The following TTC28 variants were observed in gnomAD, a reference collection of about 807,000 sequenced individuals.
The protein encoded by TTC28 is tetratricopeptide repeat domain 28, also known as tetratricopeptide repeat protein 28.
TTC28 carries 61 observed loss-of-function variants against 198.0 expected under a neutral mutation model. That is an observed-to-expected ratio of 0.31 (90% confidence interval 0.25 to 0.38). The LOEUF is 0.38. Ranked by LOEUF, TTC28 falls within the 10% of genes least tolerant of loss-of-function variation. TTC28 has a pLI of 1.00. For missense variants in TTC28, 2,678 were observed against 3,164.0 expected, an observed-to-expected ratio of 0.85 and a Z score of 3.69; for synonymous variants, 1,171 against 1,297.8, an observed-to-expected ratio of 0.90 and a Z score of 2.10.
chr22:28,379,763 T>C (rs2046467423), intron 2 of TTC28, among the ~76,000 whole-genome samples: 1 of 152,180 alleles, frequency 6.6e-6, no homozygotes, highest in African/African-American at 2.4e-5. Flanking sequence ...CAATGGTAAA[T>C]TTTATGTTAT....
At chr22:28,475,840 A>G (rs2048157091) in intron 2 of TTC28, among the ~76,000 whole-genome samples, 1 of 152,226 alleles carries the variant, frequency 6.6e-6, no homozygotes, top group African/African-American at 2.4e-5. Flanking sequence ...CATAGTGTAC[A>G]GGATGGGTTG....
intron 5 of TTC28, among the ~76,000 whole-genome samples, chr22:28,182,958 T>C (rs1923846525): frequency 6.6e-6 from 1 of 152,110 alleles, no homozygotes; most frequent in Non-Finnish European, 1.5e-5. Context: ...GATCTACTTT[T>C]CTCCTCAAGC....
intron 2 of TTC28, among the ~76,000 whole-genome samples, chr22:28,345,730 G>A (rs2045893823): frequency 6.6e-6 from 1 of 152,116 alleles, no homozygotes. Flanking sequence ...ACCCAGGAAG[G>A]CATATTATAT....
At chr22:27,992,457 C>T (rs541672338) in intron 19 of TTC28, 130 bp downstream of exon 19, 1 of 963,716 alleles carries the variant, frequency 1.0e-6, no homozygotes, top group Admixed American at 2.7e-5. Flanking sequence ...CGGCCCTCAC[C>T]TTCTCCTTTG....
intron 5 of TTC28, among the ~76,000 whole-genome samples, chr22:28,287,860 A>G (rs2145755005): frequency 6.6e-6 from 1 of 152,324 alleles, no homozygotes; most frequent in South Asian, 2.1e-4. Flanking sequence ...AACTAGAATC[A>G]GGGCAGGGTT....
At chr22:28,611,737 C>T (rs2050823543) in intron 2 of TTC28, among the ~76,000 whole-genome samples, 1 of 146,092 alleles carries the variant, frequency 6.8e-6, no homozygotes, top group Non-Finnish European at 1.5e-5. Flanking sequence ...CAATTCCCAC[C>T]TATGAGTGAG....
chr22:28,508,025 T>C (rs904052159), intron 2 of TTC28, among the ~76,000 whole-genome samples: 1 of 152,142 alleles, frequency 6.6e-6, no homozygotes, highest in African/African-American at 2.4e-5. Context: ...CCAGCTAGCA[T>C]CATGATGCCA....
chr22:28,650,423 A>C (rs1305056346), intron 1 of TTC28, among the ~76,000 whole-genome samples: 1 of 152,210 alleles, frequency 6.6e-6, no homozygotes, highest in Non-Finnish European at 1.5e-5. Flanking sequence ...TGCATTCCAG[A>C]CCACCCAGTT....
intron 2 of TTC28, among the ~76,000 whole-genome samples, chr22:28,593,441 G>GTAGGTAGA (rs1002455119): frequency 4.1e-4 from 62 of 151,742 alleles, no homozygotes; most frequent in Non-Finnish European, 4.7e-4. Flanking sequence ...AGACAGACAG[G>GTAGGTAGA]TAGGTAGATA....
intron 2 of TTC28, among the ~76,000 whole-genome samples, chr22:28,503,025 G>T (rs1387956954): frequency 6.6e-6 from 1 of 152,008 alleles, no homozygotes; most frequent in African/African-American, 2.4e-5. Flanking sequence ...TAAACAATTT[G>T]TTGATTTTTT....
chr22:28,482,643 GCTGTGCAACAACCACCT>G (rs957432033), intron 2 of TTC28, among the ~76,000 whole-genome samples: 14 of 152,124 alleles, frequency 9.2e-5, no homozygotes, highest in African/African-American at 3.1e-4. Context: ...ACTGTGCAAT[GCTGTGCAACAACCACCT>G]CTATCTAGTT....
intron 1 of TTC28, among the ~76,000 whole-genome samples, chr22:28,678,101 C>T (rs1237676703): frequency 6.6e-6 from 1 of 152,074 alleles, no homozygotes; most frequent in African/African-American, 2.4e-5. Flanking sequence ...GGAATGAAAT[C>T]CTAAAAGCCT....
intron 6 of TTC28, 78 bp downstream of exon 6, chr22:28,163,014 A>G (rs1921407725): frequency 1.4e-6 from 2 of 1,423,776 alleles, no homozygotes; most frequent in Non-Finnish European, 9.3e-7. Flanking sequence ...ACAGATTCCT[A>G]TAAAAGATAG....
intron 5 of TTC28, among the ~76,000 whole-genome samples, chr22:28,169,409 T>C (rs1429853452): frequency 1.3e-5 from 2 of 152,146 alleles, no homozygotes; most frequent in Non-Finnish European, 2.9e-5. Context: ...TAGCAAAGAC[T>C]TGGAACCAAC....
At chr22:28,335,336 G>A (rs1056624892) in intron 2 of TTC28, among the ~76,000 whole-genome samples, 6 of 152,218 alleles carry the variant, frequency 3.9e-5, no homozygotes, top group East Asian at 3.9e-4. Flanking sequence ...TTGGCAATGC[G>A]GGCTCTTTTT....
Position 28,628,564 on chromosome 22 carries a change from CTGCAACTTTATATCCT to C in TTC28, c.381+972_381+987del, listed in dbSNP as rs1181788788. Among the ~76,000 whole-genome samples the C allele has an allele frequency of 1.1e-4, 17 of 152,290 alleles. No individual in the cohort carries two copies. In the East Asian group the frequency reaches 2.9e-3, roughly 26 times the overall value. ...CTCTAGAATTATTCATCCTATATAT[CTGCAACTTTATATCCT>C]TGGATCTACATTCTCCCATTTCGCC... On this transcript the variant is annotated intron_variant, in intron 2 of 22. Transcript: ENST00000397906.
chr22:28,168,717 C>T (rs1922311365), intron 5 of TTC28, among the ~76,000 whole-genome samples: 1 of 152,142 alleles, frequency 6.6e-6, no homozygotes, highest in South Asian at 2.1e-4. Flanking sequence ...ACCATAAAAA[C>T]CCTAGAAGAA....
intron 2 of TTC28, among the ~76,000 whole-genome samples, chr22:28,610,023 A>G (rs2050794036): frequency 6.6e-6 from 1 of 152,220 alleles, no homozygotes; most frequent in Non-Finnish European, 1.5e-5. Context: ...CACTGTGGCC[A>G]GACTGCCTCT....
rs138288009 is a variant in TTC28 at position 28,518,630 on chromosome 22, T to C, written c.381+110922A>G. Among the ~76,000 whole-genome samples the C allele has an allele frequency of 2.4e-4, 37 of 152,256 alleles. No homozygotes were observed. In the East Asian group the frequency reaches 4.6e-3, roughly 19 times the overall value. ...CTCTATTTTTTAAAAAAAGAATTAC[T>C]ATATAAGGCTAAATAAGTATAAACA... On this transcript the variant is annotated intron_variant, in intron 2 of 22. Transcript: ENST00000397906.
Sources: allele counts gnomAD v4.1 joint callset (sites outside exome capture counted in the v4.1 genomes callset), GRCh38; gene constraint gnomAD v4.1.1; transcripts MANE v1.5; gene names NCBI Gene and HGNC (gene_info 2026-07-23, HGNC 2026-07-21).